NELL1: variants seen among roughly 807,000 people sequenced by gnomAD.
The protein encoded by NELL1 is protein kinase C-binding protein NELL1.
In NELL1, 76 loss-of-function variants were observed where a neutral mutation model predicts 107.4. The observed-to-expected ratio is 0.71, with a 90% confidence interval of 0.59 to 0.86. The LOEUF (loss-of-function observed/expected upper bound fraction) is 0.86, where lower values mean the gene tolerates loss of function less well. Ranked by LOEUF, NELL1 falls within the 40% of genes least tolerant of loss-of-function variation. The pLI is 0.00. For synonymous variants in NELL1, 353 were observed against 341.2 expected, an observed-to-expected ratio of 1.03 and a Z score of -0.38; for missense variants, 1,024 against 1,005.5, an observed-to-expected ratio of 1.02 and a Z score of -0.25.
chr11:20,904,906 G>A (rs1849960080), intron 5 of NELL1, among the ~76,000 whole-genome samples: 1 of 151,490 alleles, frequency 6.6e-6, no homozygotes, highest in Admixed American at 6.6e-5. Context: ...ATGGCTCACT[G>A]CAGCCTTGAC....
At chr11:21,493,141 A>G (rs925698560) in intron 15 of NELL1, among the ~76,000 whole-genome samples, 5 of 152,060 alleles carry the variant, frequency 3.3e-5, no homozygotes, top group African/African-American at 4.8e-5. Context: ...GTGGGTGGGA[A>G]TGTAAATTAG....
chr11:20,758,218 A>G (rs1332579669), intron 2 of NELL1, among the ~76,000 whole-genome samples: 5 of 152,256 alleles, frequency 3.3e-5, no homozygotes, highest in Non-Finnish European at 5.9e-5. Flanking sequence ...TCACCCTGAT[A>G]TCCCCTTATA....
At chr11:21,377,401 C>G (rs1851505191) in intron 15 of NELL1, among the ~76,000 whole-genome samples, 2 of 152,054 alleles carry the variant, frequency 1.3e-5, no homozygotes, top group Admixed American at 1.3e-4. Context: ...AAGCTTATCT[C>G]ATCATGGTGA....
chr11:21,315,383 A>G (rs797002583), intron 14 of NELL1, among the ~76,000 whole-genome samples: 7 of 152,276 alleles, frequency 4.6e-5, no homozygotes, highest in African/African-American at 1.7e-4. Context: ...ACAAGGGTCG[A>G]TTGGAATAGT....
At chr11:21,420,117 T>C (rs1852625624) in intron 15 of NELL1, among the ~76,000 whole-genome samples, 1 of 152,104 alleles carries the variant, frequency 6.6e-6, no homozygotes, top group African/African-American at 2.4e-5. Context: ...TCCATTCAAG[T>C]GCATGTTGAA....
intron 12 of NELL1, among the ~76,000 whole-genome samples, chr11:20,967,976 T>C (rs1851420116): frequency 1.3e-5 from 2 of 152,190 alleles, no homozygotes; most frequent in Non-Finnish European, 2.9e-5. Context: ...CCAATAGGCC[T>C]GTGCAGTAGT....
At chr11:20,971,180 C>T (rs1387324339) in intron 12 of NELL1, among the ~76,000 whole-genome samples, 1 of 151,952 alleles carries the variant, frequency 6.6e-6, no homozygotes, top group African/African-American at 2.4e-5. Context: ...TGTGTATGGC[C>T]TTACATTATT....
chr11:20,701,460 C>T (rs1448010614), intron 2 of NELL1, among the ~76,000 whole-genome samples: 4 of 152,034 alleles, frequency 2.6e-5, no homozygotes, highest in Non-Finnish European at 5.9e-5. Context: ...CTGTAGGTTG[C>T]CTGTTCACTC....
intron 2 of NELL1, among the ~76,000 whole-genome samples, chr11:20,780,512 T>C (rs1490506793): frequency 4.6e-5 from 7 of 152,110 alleles, no homozygotes; most frequent in South Asian, 2.1e-4. Flanking sequence ...GATAAAACAA[T>C]GGATAAATAA....
intron 4 of NELL1, among the ~76,000 whole-genome samples, chr11:20,884,830 T>C (rs1849475447): frequency 6.6e-6 from 1 of 152,196 alleles, no homozygotes; most frequent in Non-Finnish European, 1.5e-5. Flanking sequence ...TTGCTTAGTG[T>C]GGAGCTTAGA....
At chr11:21,159,168 C>A (rs1177906833) in intron 13 of NELL1, among the ~76,000 whole-genome samples, 1 of 152,038 alleles carries the variant, frequency 6.6e-6, no homozygotes, top group Non-Finnish European at 1.5e-5. Context: ...GAACTCCAGC[C>A]TTTTTCTAAC....
chr11:20,970,053 G>GTCCATCCATCCATCCA (rs3046320), intron 12 of NELL1, among the ~76,000 whole-genome samples: 1 of 125,968 alleles, frequency 7.9e-6, no homozygotes, highest in Non-Finnish European at 1.6e-5. Context: ...CTATCTCTCT[G>GTCCATCCATCCATCCA]TCCATCCATC....
At chr11:21,013,656 C>T (rs1852500616) in intron 12 of NELL1, among the ~76,000 whole-genome samples, 1 of 152,106 alleles carries the variant, frequency 6.6e-6, no homozygotes. Flanking sequence ...GTGTACAGAG[C>T]TTGCAGTCTT....
Position 20,896,199 on chromosome 11 carries a change from A to G in NELL1, c.603+10659A>G, listed in dbSNP as rs187877925. Among the ~76,000 whole-genome samples the G allele has an allele frequency of 7.7e-4, 117 of 152,184 alleles. 1 individual carries two copies. The highest frequency in any genetic ancestry group is 4.5e-3 in the Admixed American group (69 of 15,280). ...CATTCTTATACCTTTGTGCCCTCAT[A>G]GCTTAGCTCCCACTTATAAGTGAGA... is the stretch of plus-strand genomic sequence containing the variant. On this transcript the variant is annotated intron_variant, in intron 5 of 19. Transcript: ENST00000357134.
Position 21,050,106 on chromosome 11 carries a change from AT to A in NELL1, c.1301-63482del, listed in dbSNP as rs569315625. ...TCTTAAAAGCTTTCAGAGGCGATGA[AT>A]AAAAAATATAAGATATAATTATCTG... On this transcript the variant is annotated intron_variant, in intron 12 of 19. Transcript: ENST00000357134. 3.1e-3 allele frequency among the ~76,000 whole-genome samples: 468 copies of A among 152,318 alleles called. 3 individuals carry two copies. Among genetic ancestry groups the A allele is most frequent in the African/African-American group, 0.011 (450 of 41,576 alleles).
intron 3 of NELL1, among the ~76,000 whole-genome samples, chr11:20,798,339 T>G (rs1269183643): frequency 1.3e-5 from 2 of 152,218 alleles, no homozygotes; most frequent in African/African-American, 4.8e-5. Context: ...TTGGGCAAAT[T>G]GCTCTTGCTT....
intron 12 of NELL1, among the ~76,000 whole-genome samples, chr11:21,011,863 A>G (rs1341135503): frequency 2.0e-5 from 3 of 152,150 alleles, no homozygotes; most frequent in African/African-American, 7.2e-5. Flanking sequence ...CCAATAAACT[A>G]TTAAATAAGC....
At chr11:21,449,864 A>G (rs1853534588) in intron 15 of NELL1, among the ~76,000 whole-genome samples, 1 of 152,198 alleles carries the variant, frequency 6.6e-6, no homozygotes, top group Non-Finnish European at 1.5e-5. Context: ...ACTTGTCCCT[A>G]TATAAGTAAA....
At position 21,049,788 on chromosome 11, in the gene NELL1, C is replaced by T. The variant is rs141332918; in HGVS notation, c.1301-63801C>T. 9.2e-5 allele frequency among the ~76,000 whole-genome samples: 14 copies of T among 152,192 alleles called. No individual in the cohort carries two copies. The East Asian group carries it at 2.7e-3, about 29-fold the overall frequency. On this transcript the variant is annotated intron_variant, in intron 12 of 19. Transcript: ENST00000357134. ...CATCTCCCAGGTTCAAGCGATTCTC[C>T]TGTCTCAGCCTCCTGAGTAGCTGGG...
Sources: gnomAD v4.1 joint callset for allele counts (sites outside exome capture counted in the v4.1 genomes callset) on GRCh38, gnomAD v4.1.1 for gene constraint, MANE v1.5 for transcripts, NCBI Gene and HGNC (gene_info 2026-07-23, HGNC 2026-07-21) for gene names.